ZMAT4: variants seen among roughly 807,000 people sequenced by gnomAD.
The protein encoded by ZMAT4 is zinc finger matrin-type 4.
Under a neutral mutation model 28.7 loss-of-function variants are expected in ZMAT4, and 17 were observed. The ratio of observed to expected loss-of-function variants is 0.59; its 90% CI spans 0.41 to 0.89. ZMAT4 has a LOEUF of 0.89. ZMAT4 is among the 40% of genes least tolerant of loss of function. The pLI, the probability that ZMAT4 is intolerant of heterozygous loss-of-function variation, is 0.00. For synonymous variants in ZMAT4, 117 were observed against 109.2 expected (o/e 1.07, Z -0.44); for missense variants, 240 against 283.8 (o/e 0.85, Z 1.11).
chr8:40,743,896 G>A (rs192616375), intron 3 of ZMAT4, among the ~76,000 whole-genome samples: 2 of 152,322 alleles, frequency 1.3e-5, no homozygotes, highest in Non-Finnish European at 2.9e-5. Flanking sequence ...TACAGGTGCT[G>A]TTTGAGCAGA....
intron 1 of ZMAT4, among the ~76,000 whole-genome samples, chr8:40,854,849 G>T (rs1047878591): frequency 1.3e-5 from 2 of 152,116 alleles, no homozygotes; most frequent in African/African-American, 4.8e-5. Context: ...GAAATACTGC[G>T]AGATACCCTA....
rs749363248 is a variant in ZMAT4, at chr8:40,700,406, C to CTTTTTTTTTTTTTTTTTTT, written c.193-3006_193-3005insAAAAAAAAAAAAAAAAAAA. On this transcript the variant is annotated intron_variant, in intron 3 of 6. Coordinates refer to ENST00000297737, the MANE Select transcript of ZMAT4 (RefSeq NM_024645.3). Reference sequence around the variant, plus strand: ...TCACTTCCTTGAGGGGAAGCTGCTGCTTTTCTTTTTTTTTTTTTTTTTTTT... The same window carrying CTTTTTTTTTTTTTTTTTTT: ...TCACTTCCTTGAGGGGAAGCTGCTGCTTTTTTTTTTTTTTTTTTTTTTTCTTTTTTTTTTTTTTTTTTTT... 2.0e-4 allele frequency among the ~76,000 whole-genome samples: 12 copies of CTTTTTTTTTTTTTTTTTTT among 60,768 alleles called. 6 individuals are homozygous for CTTTTTTTTTTTTTTTTTTT. Among genetic ancestry groups the CTTTTTTTTTTTTTTTTTTT allele is most frequent in the South Asian group, 1.4e-3 (2 of 1,398 alleles). The allele number at this position is 60,768 out of a possible 152,430, so 39.9% of individuals were successfully genotyped here.
chr8:40,564,244 G>A (rs1230887845), intron 6 of ZMAT4, among the ~76,000 whole-genome samples: 2 of 152,224 alleles, frequency 1.3e-5, no homozygotes, highest in Non-Finnish European at 2.9e-5. Flanking sequence ...TCATGTAGGA[G>A]ACAATATTTA....
intron 5 of ZMAT4, among the ~76,000 whole-genome samples, chr8:40,607,313 C>T (rs777817510): frequency 7.9e-5 from 12 of 151,596 alleles, no homozygotes; most frequent in African/African-American, 2.2e-4. Flanking sequence ...TTTAAATACA[C>T]GGTGAGACGG....
At chr8:40,836,810 G>A (rs770257716) in intron 1 of ZMAT4, among the ~76,000 whole-genome samples, 7 of 152,164 alleles carry the variant, frequency 4.6e-5, no homozygotes, top group African/African-American at 7.2e-5. Flanking sequence ...AGATGTAAGC[G>A]GTTGCCAGAT....
chr8:40,547,983 C>G (rs546116167), intron 6 of ZMAT4, among the ~76,000 whole-genome samples: 1 of 152,052 alleles, frequency 6.6e-6, no homozygotes, highest in Non-Finnish European at 1.5e-5. Flanking sequence ...GGGAAATGAC[C>G]ATTTGGCATG....
intron 5 of ZMAT4, among the ~76,000 whole-genome samples, chr8:40,667,172 T>A (rs568492596): frequency 1.3e-5 from 2 of 152,252 alleles, no homozygotes; most frequent in African/African-American, 4.8e-5. Context: ...ATTTTTTTCT[T>A]TGAGACAGAG....
At chr8:40,875,292 C>A (rs1246159282) in intron 1 of ZMAT4, among the ~76,000 whole-genome samples, 1 of 152,148 alleles carries the variant, frequency 6.6e-6, no homozygotes, top group Non-Finnish European at 1.5e-5. Context: ...ATCAAATGTA[C>A]CACTGGACTG....
At chr8:40,836,356 G>A (rs1816489307) in intron 1 of ZMAT4, among the ~76,000 whole-genome samples, 1 of 152,284 alleles carries the variant, frequency 6.6e-6, no homozygotes, top group East Asian at 1.9e-4. Flanking sequence ...TAAGCTGAAA[G>A]TTAAGCATCA....
At chr8:40,705,814 T>C (rs1254371143) in intron 3 of ZMAT4, among the ~76,000 whole-genome samples, 1 of 152,196 alleles carries the variant, frequency 6.6e-6, no homozygotes, top group Non-Finnish European at 1.5e-5. Context: ...ACAATAGCTC[T>C]CTTAAACTTA....
intron 6 of ZMAT4, among the ~76,000 whole-genome samples, chr8:40,580,928 C>G (rs1490319240): frequency 6.6e-6 from 1 of 151,902 alleles, no homozygotes; most frequent in Non-Finnish European, 1.5e-5. Flanking sequence ...GTCCTAATTT[C>G]ATAAAAGTAT....
intron 1 of ZMAT4, among the ~76,000 whole-genome samples, chr8:40,825,881 A>T (rs557223120): frequency 3.3e-5 from 5 of 152,336 alleles, no homozygotes; most frequent in South Asian, 2.1e-4. Context: ...AATGCCCAAC[A>T]GAGTTGCTTT....
intron 5 of ZMAT4, among the ~76,000 whole-genome samples, chr8:40,601,484 A>AG (rs1805324369): frequency 7.1e-6 from 1 of 141,788 alleles, no homozygotes; most frequent in African/African-American, 2.6e-5. Context: ...AAAGAAAGAA[A>AG]GAAAGAAAGA....
At chr8:40,889,024 A>G (rs1017576841) in intron 1 of ZMAT4, among the ~76,000 whole-genome samples, 5 of 152,170 alleles carry the variant, frequency 3.3e-5, no homozygotes, top group Non-Finnish European at 4.4e-5. Context: ...TTGTTTTCAT[A>G]CCTAACAAAA....
chr8:40,732,256 GGAAAAAAA>G (rs1811571977), intron 3 of ZMAT4, among the ~76,000 whole-genome samples: 1 of 148,814 alleles, frequency 6.7e-6, no homozygotes, highest in African/African-American at 2.5e-5. Context: ...TTAAAAATTG[GGAAAAAAA>G]GAAAAAAAGA....
intron 2 of ZMAT4, among the ~76,000 whole-genome samples, chr8:40,821,984 C>G (rs1207606331): frequency 2.0e-5 from 3 of 152,176 alleles, no homozygotes; most frequent in African/African-American, 7.2e-5. Context: ...TCTTTCTTGG[C>G]CATAATAGCT....
At chr8:40,806,833 T>C (rs1040919407) in intron 2 of ZMAT4, among the ~76,000 whole-genome samples, 5 of 152,066 alleles carry the variant, frequency 3.3e-5, no homozygotes, top group Non-Finnish European at 7.4e-5. Flanking sequence ...ATAGAAGCTA[T>C]TATGGTACAT....
intron 5 of ZMAT4, among the ~76,000 whole-genome samples, chr8:40,663,945 G>A (rs1808301126): frequency 6.6e-6 from 1 of 152,096 alleles, no homozygotes; most frequent in Non-Finnish European, 1.5e-5. Flanking sequence ...CATATTATTT[G>A]ACACTAGTTT....
In ZMAT4 at chr8:40,767,626, G is replaced by A. The variant is rs769749174; in HGVS notation, c.192+15C>T. The stretch of plus-strand genomic sequence containing the variant: ...ACAAATCATCTGAGGATATCACGTG[G>A]TACCAGATACTCACATTTTCTGACC... On this transcript the variant is annotated intron_variant, in intron 3 of 6. Coordinates refer to ENST00000297737, the MANE Select transcript of ZMAT4 (RefSeq NM_024645.3). 2.9e-5 allele frequency: 47 copies of A among 1,605,856 alleles called. No homozygotes were observed. Among genetic ancestry groups the A allele is most frequent in the Non-Finnish European group, 4.0e-5 (47 of 1,174,920 alleles).
Sources: gnomAD v4.1 joint callset for allele counts (sites outside exome capture counted in the v4.1 genomes callset) on GRCh38, gnomAD v4.1.1 for gene constraint, MANE v1.5 for transcripts, NCBI Gene and HGNC (gene_info 2026-07-23, HGNC 2026-07-21) for gene names.